AGBL1: variants seen among roughly 807,000 people sequenced by gnomAD.
AGBL1 encodes AGBL carboxypeptidase 1.
Under a neutral mutation model 118.9 loss-of-function variants are expected in AGBL1, and 130 were observed. The ratio of observed to expected loss-of-function variants is 1.09; its 90% CI spans 0.95 to 1.26. The LOEUF (loss-of-function observed/expected upper bound fraction) is 1.26, where lower values mean the gene tolerates loss of function less well. Among genes scored for constraint, AGBL1 ranks in the 50% most tolerant of loss-of-function variants. The pLI is 0.00. For synonymous variants in AGBL1, 555 were observed against 478.9 expected (o/e 1.16, Z -2.08); for missense variants, 1,584 against 1,298.1 (o/e 1.22, Z -3.38).
At chr15:86,693,401 T>C (rs569485165) in intron 22 of AGBL1, among the ~76,000 whole-genome samples, 2 of 152,320 alleles carry the variant, frequency 1.3e-5, no homozygotes, top group East Asian at 3.9e-4. Context: ...GTATATCTTC[T>C]TGTGAGAAAT....
chr15:86,792,154 C>G (rs556786216), intron 22 of AGBL1, among the ~76,000 whole-genome samples: 19 of 152,276 alleles, frequency 1.2e-4, no homozygotes, highest in Admixed American at 3.9e-4. Context: ...GTAGGCCTGT[C>G]CTAACTTTCA....
At chr15:86,861,156 A>G (rs2079554662) in intron 22 of AGBL1, among the ~76,000 whole-genome samples, 1 of 152,148 alleles carries the variant, frequency 6.6e-6, no homozygotes. Flanking sequence ...TTTCTAGGGA[A>G]TTCTGATCCC....
At position 86,530,220 on chromosome 15, in the gene AGBL1, C is replaced by A. The variant is rs150175871; in HGVS notation, c.2685+7281C>A. ...TGGTGTATTCAGGAAACCCATCTCA[C>A]GTGCAGAGACACACATAGGCTGAAA... On this transcript the variant is annotated intron_variant, in intron 19 of 22. Transcript: ENST00000614907. Among the ~76,000 whole-genome samples the A allele has an allele frequency of 3.2e-3, 439 of 137,942 alleles. 3 individuals are homozygous for A. The highest frequency in any genetic ancestry group is 5.5e-3 in the Non-Finnish European group (365 of 66,940). 90.5% of individuals were successfully genotyped at this position (137,942 alleles called of 152,430 possible). A position where few individuals can be genotyped will look rare whatever the true frequency, so the allele number is the denominator to read the frequency against.
chr15:86,101,069 T>A (rs1896686457), intron 1 of AGBL1, among the ~76,000 whole-genome samples: 1 of 152,178 alleles, frequency 6.6e-6, no homozygotes, highest in Admixed American at 6.5e-5. Context: ...GGGTTTCAAT[T>A]TTCCTTTGTT....
Position 86,910,715 on chromosome 15 carries a change from C to G in AGBL1, c.*3421C>G, listed in dbSNP as rs533787497. On this transcript the variant is annotated 3_prime_UTR_variant, in exon 23 of 23. Coordinates refer to ENST00000614907, the MANE Select transcript of AGBL1 (RefSeq NM_001386094.1). ...GGTTTCCTAGAAATCAGAGGTACCT[C>G]AGGAAGCAGAAGGAGAACAAAGAGA... 6.6e-6 allele frequency: 1 copy of G among 152,316 alleles called. No homozygotes were observed. Among genetic ancestry groups the G allele is most frequent in the South Asian group, 2.1e-4 (1 of 4,832 alleles). 9.4% of individuals were successfully genotyped at this position (152,316 alleles called of 1,614,324 possible).
At chr15:87,009,578 A>G (rs2081537372) in intron 24 of AGBL1, among the ~76,000 whole-genome samples, 1 of 152,168 alleles carries the variant, frequency 6.6e-6, no homozygotes, top group Admixed American at 6.5e-5. Context: ...ACTGGCCTCC[A>G]GCCCCCAGAA....
chr15:86,643,470 G>A (rs1006679323), intron 21 of AGBL1, among the ~76,000 whole-genome samples: 3 of 151,924 alleles, frequency 2.0e-5, no homozygotes, highest in African/African-American at 7.3e-5. Flanking sequence ...ATAATATTGA[G>A]GACTTAATTT....
Position 86,445,794 on chromosome 15 carries a change from C to T in AGBL1, c.2555+48248C>T, listed in dbSNP as rs2082113640. 2.6e-5 allele frequency among the ~76,000 whole-genome samples: 4 copies of T among 152,306 alleles called. 1 individual carries two copies. The South Asian group carries it at 8.3e-4, about 32-fold the overall frequency. On this transcript the variant is annotated intron_variant, in intron 18 of 22. Coordinates refer to ENST00000614907, the MANE Select transcript of AGBL1 (RefSeq NM_001386094.1). ...GAAAGGGAGCTTGGTGTCCCAAACC[C>T]CTCCACTGAGCTGTGACTCAGGAAT...
At chr15:86,222,055 C>T (rs562914675) in intron 5 of AGBL1, among the ~76,000 whole-genome samples, 1 of 152,264 alleles carries the variant, frequency 6.6e-6, no homozygotes, top group African/African-American at 2.4e-5. Context: ...CTCAAATGCA[C>T]ATCTTCTGAC....
At chr15:86,991,034 C>CTGT (rs1378042122) in intron 24 of AGBL1, among the ~76,000 whole-genome samples, 1 of 152,114 alleles carries the variant, frequency 6.6e-6, no homozygotes, top group Non-Finnish European at 1.5e-5. Context: ...TCATTTGTTG[C>CTGT]TGTTAGCATT....
At chr15:86,917,895 A>G (rs759616861), downstream of AGBL1, among the ~76,000 whole-genome samples, 26 of 152,036 alleles carry the variant, frequency 1.7e-4, no homozygotes, top group Non-Finnish European at 3.2e-4. The surrounding 1 kb of genome is among the most constrained non-coding windows in gnomAD (Gnocchi z 4.8). Flanking sequence ...ATTGAATTTT[A>G]AGTTGTTCTC....
intron 3 of AGBL1, among the ~76,000 whole-genome samples, chr15:86,152,306 G>T (rs552579178): frequency 6.6e-6 from 1 of 152,202 alleles, no homozygotes; most frequent in East Asian, 1.9e-4. Flanking sequence ...GCATGGTACT[G>T]GTACCAAAAC....
intron 22 of AGBL1, among the ~76,000 whole-genome samples, chr15:86,849,084 C>T (rs944542495): frequency 4.6e-5 from 7 of 152,214 alleles, no homozygotes; most frequent in Admixed American, 3.3e-4. Context: ...GGGCTACTCA[C>T]TGTCTAGTGA....
At chr15:86,807,224 C>A (rs1213550602) in intron 22 of AGBL1, among the ~76,000 whole-genome samples, 1 of 152,124 alleles carries the variant, frequency 6.6e-6, no homozygotes, top group Non-Finnish European at 1.5e-5. Context: ...AGCACTTTAG[C>A]CTTGCAAATA....
chr15:87,018,268 C>G (rs915747757), intron 24 of AGBL1, among the ~76,000 whole-genome samples: 1 of 151,992 alleles, frequency 6.6e-6, no homozygotes, highest in Non-Finnish European at 1.5e-5. Context: ...GCAGAGAATC[C>G]CATTAAGATG....
intron 17 of AGBL1, among the ~76,000 whole-genome samples, chr15:86,372,723 G>C (rs1274678845): frequency 6.6e-6 from 1 of 152,240 alleles, no homozygotes; most frequent in Admixed American, 6.5e-5. Context: ...CATCGGGGAG[G>C]TTGCTCTCTG....
intron 1 of AGBL1, chr15:86,083,652 A>T (rs1198521272): frequency 1.3e-5 from 2 of 152,184 alleles, no homozygotes; most frequent in African/African-American, 4.8e-5. Flanking sequence ...TGACCAGTCC[A>T]CTTCTCCCCC....
intron 18 of AGBL1, among the ~76,000 whole-genome samples, chr15:86,444,760 A>G (rs1164030770): frequency 6.6e-6 from 1 of 152,084 alleles, no homozygotes; most frequent in Admixed American, 6.6e-5. Flanking sequence ...TTGCAGTCAA[A>G]AGACCGGCAC....
intron 23 of AGBL1, among the ~76,000 whole-genome samples, chr15:86,971,100 T>C (rs2081103610): frequency 6.6e-6 from 1 of 152,006 alleles, no homozygotes; most frequent in African/African-American, 2.4e-5. Context: ...TGCAAGGATA[T>C]TGAGGGACAA....
Sources: gnomAD v4.1 joint callset for allele counts (sites outside exome capture counted in the v4.1 genomes callset) on GRCh38, gnomAD v4.1.1 for gene constraint, Gnocchi (gnomAD v3.1) non-coding constraint, MANE v1.5 for transcripts, NCBI Gene and HGNC (gene_info 2026-07-23, HGNC 2026-07-21) for gene names.